FLII: variants seen among roughly 807,000 people sequenced by gnomAD.
The protein encoded by FLII is protein flightless-1 homolog.
FLII carries 101 observed loss-of-function variants against 156.2 expected under a neutral mutation model. The observed-to-expected ratio is 0.65, with a 90% confidence interval of 0.55 to 0.76. The LOEUF is 0.76. Among genes scored for constraint, FLII ranks in the 30% least tolerant of loss-of-function variants. FLII has a pLI of 0.00. For missense variants in FLII, 1,675 were observed against 1,682.8 expected (o/e 1.00, Z 0.08); for synonymous variants, 767 against 685.8 (o/e 1.12, Z -1.85).
Position 18,252,131 on chromosome 17 carries a change from C to T in FLII, c.1114G>A (p.Glu372Lys), listed in dbSNP as rs199970501. ...GGCGGCATGACCAGGTTGGGGTTCT[C>T]CCGCACATCCAGGACCTGCCCCATA... ...LTEIEVLDVR[E>K]NPNLVMPPKP... The change falls in exon 11 of 30, where the codon GAG becomes AAG. Residue 372 changes from glutamate (E) to lysine (K), a missense_variant. Glu to Lys is a moderately conservative substitution (Grantham distance 56). This residue lies in a region of FLII where 1,332 missense variants were observed against 1,269.3 expected (regional missense o/e 1.05). Coordinates refer to ENST00000327031, the MANE Select transcript of FLII (RefSeq NM_002018.4). 4 of 1,613,204 alleles carry T rather than the reference C, an allele frequency of 2.5e-6. No homozygotes were observed. Among genetic ancestry groups the T allele is most frequent in the African/African-American group, 1.3e-5 (1 of 74,946 alleles).
At position 18,252,123 on chromosome 17, in the gene FLII, G is replaced by A. The variant is rs770214069; in HGVS notation, c.1122C>T (p.Pro374=). Residue 374 remains proline, a synonymous_variant, in exon 11 of 30, where the codon CCC becomes CCT. Transcript: ENST00000327031. ...CGGGCTTGGGCGGCATGACCAGGTT[G>A]GGGTTCTCCCGCACATCCAGGACCT... is the stretch of plus-strand genomic sequence containing the variant. ...EIEVLDVREN[P]NLVMPPKPAD... 5 of 1,613,234 alleles carry A rather than the reference G, an allele frequency of 3.1e-6. No individual in the cohort carries two copies. The South Asian group carries it at 3.3e-5, about 11-fold the overall frequency.
In FLII at chr17:18,250,829, G is replaced by A; in HGVS notation, c.1776+9C>T. On this transcript the variant is annotated intron_variant, in intron 14 of 29. Transcript: ENST00000327031. ...ACTCTGCCCACCCCCAATTTTAACG[G>A]GCTGGCACCTGCAGGAACTCCTCGC... 3 of 1,604,346 alleles carry A rather than the reference G, an allele frequency of 1.9e-6. No homozygotes were observed. The highest frequency in any genetic ancestry group is 2.6e-6 in the Non-Finnish European group (3 of 1,172,872).
chr17:18,248,448 G>T, intron 18 of FLII, 102 bp downstream of exon 18: 1 of 1,147,314 alleles, frequency 8.7e-7, no homozygotes, highest in Non-Finnish European at 1.2e-6. Flanking sequence ...CCCCACCAAA[G>T]TCGAGATGGA....
chr17:18,246,886 T>C lies in FLII; in HGVS notation c.2816+27A>G, dbSNP rs181505498. ...GAGCCCCCAGCACCAGGGGAGGGAC[T>C]TGGGGAAGGGAGTGCTGAGGTGGTA... On this transcript the variant is annotated intron_variant, in intron 22 of 29. Transcript: ENST00000327031. 8.1e-6 allele frequency: 13 copies of C among 1,614,052 alleles called. No homozygotes were observed. The East Asian group carries it at 1.6e-4, about 19-fold the overall frequency.
At chr17:18,257,058 C>A in intron 1 of FLII, 39 bp from the exon 2 acceptor site, 2 of 1,382,514 alleles carry the variant, frequency 1.4e-6, no homozygotes, top group South Asian at 1.2e-5. Context: ...AGAGCCCCTG[C>A]TCACCACCTT....
In FLII at chr17:18,248,579, AG is replaced by A; in HGVS notation, c.2160del (p.Phe721SerfsTer39). The A allele has an allele frequency of 6.2e-7, 1 of 1,612,362 alleles. No homozygotes were observed. Among genetic ancestry groups the A allele is most frequent in the South Asian group, 1.1e-5 (1 of 91,044 alleles). Reference sequence around the variant, plus strand: ...TACAGCTTGGGCTGCGGCGGCCAGAAGTCTTCAGGCACGTGCTTCTTGATCT... The same window carrying A: ...TACAGCTTGGGCTGCGGCGGCCAGAATCTTCAGGCACGTGCTTCTTGATCT... ...PSEIKKHVPE[D>X]FWPPQPKLYK... On this transcript the variant is annotated frameshift_variant, in exon 18 of 30. Coordinates refer to ENST00000327031, the MANE Select transcript of FLII (RefSeq NM_002018.4). LOFTEE classifies it high-confidence loss of function.
rs780028263 is a variant in FLII at position 18,247,916 on chromosome 17, C to T, written c.2295+13G>A. The T allele has an allele frequency of 1.9e-6, 3 of 1,612,924 alleles. No individual in the cohort carries two copies. Among genetic ancestry groups the T allele is most frequent in the African/African-American group, 2.7e-5 (2 of 74,924 alleles). On this transcript the variant is annotated intron_variant, in intron 19 of 29. Coordinates refer to ENST00000327031, the MANE Select transcript of FLII (RefSeq NM_002018.4). ...AGGGATCTGGCCCCACGCCCTCCTC[C>T]TGCATCTCTTACCAGCCGCATTCTT...
chr17:18,254,755 C>A lies in FLII; in HGVS notation c.413+14G>T, dbSNP rs765941397. 2 of 1,614,052 alleles carry A rather than the reference C, an allele frequency of 1.2e-6. No homozygotes were observed. The highest frequency in any genetic ancestry group is 2.2e-5 in the East Asian group (1 of 44,876). ...CAGGGCCCACCTGCCCCCTGCCCCC[C>A]ACTGGCCTGGCACCTGTTGTGGCTG... On this transcript the variant is annotated intron_variant, in intron 5 of 29. Coordinates refer to ENST00000327031, the MANE Select transcript of FLII (RefSeq NM_002018.4).
At chr17:18,257,387 T>G in intron 1 of FLII, 1 of 235,708 alleles carries the variant, frequency 4.2e-6, no homozygotes, top group East Asian at 1.2e-4. Flanking sequence ...GGATCCCCCT[T>G]CCAAGCCTTT....
Position 18,247,033 on chromosome 17 carries a change from T to A in FLII, c.2696A>T (p.Glu899Val), listed in dbSNP as rs776717715. 5.6e-6 allele frequency: 9 copies of A among 1,612,534 alleles called. No individual in the cohort carries two copies. The highest frequency in any genetic ancestry group is 1.3e-5 in the African/African-American group (1 of 74,340). Residue 899 changes from glutamate to valine, a missense_variant, in exon 22 of 30, where the codon GAG becomes GTG. Physicochemically the swap from Glu to Val is moderately radical, Grantham distance 121. This residue lies in a region of FLII where 1,332 missense variants were observed against 1,269.3 expected (regional missense o/e 1.05). Coordinates refer to ENST00000327031, the MANE Select transcript of FLII (RefSeq NM_002018.4). ...SLAEAEQLME[E>V]WNEDLDGMEG... ...CATGCCGTCTAGGTCTTCGTTCCACTCCTCCATCAGCTGCTCCGCCTGCAG... is the reference window on the plus strand; with the variant it reads ...CATGCCGTCTAGGTCTTCGTTCCACACCTCCATCAGCTGCTCCGCCTGCAG...
Position 18,252,477 on chromosome 17 carries a change from T to C in FLII, c.1093A>G (p.Ile365Val). 6.2e-7 allele frequency: 1 copy of C among 1,613,636 alleles called. No homozygotes were observed. The highest frequency in any genetic ancestry group is 1.1e-5 in the South Asian group (1 of 91,084). Residue 365 changes from isoleucine (I) to valine (V), a missense_variant, in exon 10 of 30, where the codon ATC (isoleucine) becomes GTC (valine). This residue lies in a region of FLII where 1,332 missense variants were observed against 1,269.3 expected (regional missense o/e 1.05). Transcript: ENST00000327031. ...LPEAIHFLTE[I>V]EVLDVRENPN... ...TCAAACCCAGCATGCCTGACCTCGA[T>C]CTCCGTCAGGAAATGGATGGCTTCT...
intron 20 of FLII, 128 bp from the exon 21 acceptor site, chr17:18,247,485 C>A: frequency 1.8e-6 from 2 of 1,087,742 alleles, no homozygotes; most frequent in Middle Eastern, 2.2e-4. Flanking sequence ...GCCTCGGACA[C>A]GGAGGTAGGA....
At chr17:18,250,655 G>A (rs961486932) in intron 14 of FLII, among the ~76,000 whole-genome samples, 183 bp downstream of exon 14, 1 of 152,116 alleles carries the variant, frequency 6.6e-6, no homozygotes, top group Admixed American at 6.5e-5. Flanking sequence ...CCAGGCTTTG[G>A]CCACCTTAGA....
Position 18,253,366 on chromosome 17 carries a change from G to A in FLII, c.948C>T (p.Leu316=), listed in dbSNP as rs772390324. 2.5e-6 allele frequency: 4 copies of A among 1,613,966 alleles called. 1 individual carries two copies. The South Asian group carries it at 3.3e-5, about 13-fold the overall frequency. ...FDGLPSGIGK[L]TNLEEFMAAN... ...CAGCCATGAACTCTTCCAGGTTGGT[G>A]AGCTTGCCAATGCCTGAGGGCAGCC... The change falls in exon 9 of 30, where the codon CTC becomes CTT. Residue 316 remains leucine (L), a synonymous_variant. Transcript: ENST00000327031.
In FLII at chr17:18,258,514, AGTCCCTGGGACAC is replaced by A. The variant is rs1212886643; in HGVS notation, c.63+101_63+113del. The A allele has an allele frequency of 6.6e-7, 1 of 1,508,502 alleles. No homozygotes were observed. The highest frequency in any genetic ancestry group is 8.8e-7 in the Non-Finnish European group (1 of 1,135,302). The allele number at this position is 1,508,502 out of a possible 1,614,324, so 93.4% of individuals were successfully genotyped here. ...GAGAGCCCCACCCCGCCCCGGCCGC[AGTCCCTGGGACAC>A]GCAGGGCCTGGAGCCGAGCGGGACA... On this transcript the variant is annotated intron_variant, in intron 1 of 29. Coordinates refer to ENST00000327031, the MANE Select transcript of FLII (RefSeq NM_002018.4). This position sits in a 1 kb window ranked among gnomAD's most constrained non-coding sequence, Gnocchi z 4.2.
At chr17:18,253,182 G>C (rs1341703128) in intron 9 of FLII, 119 bp downstream of exon 9, 3 of 988,716 alleles carry the variant, frequency 3.0e-6, no homozygotes, top group East Asian at 2.6e-5. Flanking sequence ...GAAAAGAAAA[G>C]GTGAATTAAC....
Position 18,253,356 on chromosome 17 carries a change from C to T in FLII, c.958G>A (p.Glu320Lys), listed in dbSNP as rs746188463. 1 of 1,613,966 alleles carries T rather than the reference C, an allele frequency of 6.2e-7. No individual in the cohort carries two copies. Among genetic ancestry groups the T allele is most frequent in the South Asian group, 1.1e-5 (1 of 91,086 alleles). ...PSGIGKLTNL[E>K]EFMAANNNLE... ...TTGTTGTTGGCAGCCATGAACTCTT[C>T]CAGGTTGGTGAGCTTGCCAATGCCT... Residue 320 changes from glutamate to lysine, a missense_variant, in exon 9 of 30, where the codon GAA (glutamate) becomes AAA (lysine). By Grantham distance (56) the Glu-to-Lys change is moderately conservative. This residue lies in a region of FLII where 1,332 missense variants were observed against 1,269.3 expected (regional missense o/e 1.05). Transcript: ENST00000327031.
At chr17:18,255,144 CG>C in intron 4 of FLII, 38 bp downstream of exon 4, 1 of 1,488,686 alleles carries the variant, frequency 6.7e-7, no homozygotes, top group East Asian at 2.3e-5. Context: ...TTGAATGGTC[CG>C]GCTAGCACAG....
At position 18,258,502 on chromosome 17, in the gene FLII, C is replaced by T. The variant is rs777381878; in HGVS notation, c.63+126G>A. 2 of 1,505,336 alleles carry T rather than the reference C, an allele frequency of 1.3e-6. No individual in the cohort carries two copies. Among genetic ancestry groups the T allele is most frequent in the East Asian group, 2.7e-5 (1 of 36,974 alleles). The allele number at this position is 1,505,336 out of a possible 1,614,324, so 93.2% of individuals were successfully genotyped here. The stretch of plus-strand genomic sequence containing the variant: ...TCCTGGCCAGGGGAGAGCCCCACCC[C>T]GCCCCGGCCGCAGTCCCTGGGACAC... On this transcript the variant is annotated intron_variant, in intron 1 of 29. Transcript: ENST00000327031. The surrounding 1 kb of genome is among the most constrained non-coding windows in gnomAD (Gnocchi z 4.2).
Sources: allele counts gnomAD v4.1 joint callset (sites outside exome capture counted in the v4.1 genomes callset), GRCh38; gene constraint gnomAD v4.1.1; regional missense constraint gnomAD v4.1.1; non-coding constraint Gnocchi (gnomAD v3.1); transcripts MANE v1.5; gene names NCBI Gene and HGNC (gene_info 2026-07-23, HGNC 2026-07-21).